The following RPN1 variants were observed in gnomAD, a reference collection of about 807,000 sequenced individuals.
The protein encoded by RPN1 is ribophorin I.
RPN1 carries 12 observed loss-of-function variants against 55.5 expected under a neutral mutation model. The ratio of observed to expected loss-of-function variants is 0.22; its 90% CI spans 0.14 to 0.35. The LOEUF (loss-of-function observed/expected upper bound fraction) is 0.35, where lower values mean the gene tolerates loss of function less well. RPN1 is among the 10% of genes least tolerant of loss of function. The pLI is 1.00. For missense variants in RPN1, 679 were observed against 761.3 expected (o/e 0.89, Z 1.27); for synonymous variants, 317 against 305.9 (o/e 1.04, Z -0.38).
intron 4 of RPN1, 69 bp from the exon 5 acceptor site, chr3:128,630,212 G>A: frequency 9.7e-7 from 1 of 1,032,118 alleles, no homozygotes; most frequent in Non-Finnish European, 1.4e-6. Flanking sequence ...CCTAAACACA[G>A]AAGACTTCCT....
At chr3:128,638,912 G>A (rs1172201190) in intron 2 of RPN1, among the ~76,000 whole-genome samples, 1 of 152,028 alleles carries the variant, frequency 6.6e-6, no homozygotes, top group Non-Finnish European at 1.5e-5. Context: ...GTTGCAGTGA[G>A]CCAAGATAGC....
At chr3:128,639,398 G>A (rs923904073) in intron 2 of RPN1, among the ~76,000 whole-genome samples, 1 of 150,680 alleles carries the variant, frequency 6.6e-6, no homozygotes, top group Admixed American at 6.6e-5. Flanking sequence ...AGCTTGCAGT[G>A]CGCCGAGATC....
At chr3:128,644,214 T>C (rs1195282830) in intron 2 of RPN1, among the ~76,000 whole-genome samples, 2 of 152,170 alleles carry the variant, frequency 1.3e-5, no homozygotes, top group African/African-American at 4.8e-5. Flanking sequence ...GGAGAACTGA[T>C]CTGATATAGA....
intron 3 of RPN1, among the ~76,000 whole-genome samples, chr3:128,637,456 G>A (rs1478001993): frequency 6.6e-6 from 1 of 151,998 alleles, no homozygotes; most frequent in African/African-American, 2.4e-5. Flanking sequence ...ATTCAAGGAA[G>A]GCCCTCAACC....
Position 128,624,525 on chromosome 3 carries a change from G to A in RPN1, c.1395+1009C>T, listed in dbSNP as rs957372167. On this transcript the variant is annotated intron_variant, in intron 8 of 9. Transcript: ENST00000296255. Reference sequence around the variant, plus strand: ...CGAAAAGAAAAAAATCTGCATATAAGTGGACCCACACAGTTCGGCTGGATC... The same window carrying A: ...CGAAAAGAAAAAAATCTGCATATAAATGGACCCACACAGTTCGGCTGGATC... Among the ~76,000 whole-genome samples the A allele has an allele frequency of 3.3e-4, 50 of 150,602 alleles. 1 individual carries two copies.
At chr3:128,623,990 TACACACACACACACGCACAC>T (rs1192259281) in intron 8 of RPN1, among the ~76,000 whole-genome samples, 1 of 150,714 alleles carries the variant, frequency 6.6e-6, no homozygotes, top group Non-Finnish European at 1.5e-5. Context: ...CAGAAATAAT[TACACACACACACACGCACAC>T]ACACACACAC....
chr3:128,648,332 T>C (rs923079605), intron 1 of RPN1, among the ~76,000 whole-genome samples: 4 of 151,932 alleles, frequency 2.6e-5, no homozygotes, highest in African/African-American at 9.7e-5. Flanking sequence ...GAGGCAGAGG[T>C]TGCAGTGAGC....
chr3:128,622,373 T>G lies in RPN1; in HGVS notation c.1432A>C (p.Ile478Leu). ...AAEARMKVAC[I>L]TEQVLTLVNK... is the part of the protein sequence containing the mutation. Reference sequence around the variant, plus strand: ...ACCAGGGTCAAGACCTGCTCTGTGATGCAGGCTACCTTCATCCTGGCTTCT... The same window carrying G: ...ACCAGGGTCAAGACCTGCTCTGTGAGGCAGGCTACCTTCATCCTGGCTTCT... The change falls in exon 9 of 10, where the codon ATC (isoleucine) becomes CTC (leucine). Residue 478 changes from isoleucine (I) to leucine (L), a missense_variant. Physicochemically the swap from Ile to Leu is conservative, Grantham distance 5. Around this residue, in one of 3 missense-constraint regions of RPN1, gnomAD observed 306 missense variants for 360.0 expected, o/e 0.85. Coordinates refer to ENST00000296255, the MANE Select transcript of RPN1 (RefSeq NM_002950.4). 1 of 1,614,218 alleles carries G rather than the reference T, an allele frequency of 6.2e-7. No individual in the cohort carries two copies. The highest frequency in any genetic ancestry group is 8.5e-7 in the Non-Finnish European group (1 of 1,180,032).
In RPN1 at chr3:128,626,826, T is replaced by G. The variant is rs757237896; in HGVS notation, c.1043A>C (p.Gln348Pro). ...CACAAACCTCATCTTCAGTGCATACTGGTCACCTGAAGGATCAAGCAAGCA... is the reference window on the plus strand; with the variant it reads ...CACAAACCTCATCTTCAGTGCATACGGGTCACCTGAAGGATCAAGCAAGCA... ...SYEYLYNLGD[Q>P]YALKMRFVDH... Residue 348 changes from glutamine to proline, a missense_variant, in exon 6 of 10, where the codon CAG (glutamine) becomes CCG (proline). Physicochemically the swap from Gln to Pro is moderately conservative, Grantham distance 76 (BLOSUM62 -1). This residue lies in a region of RPN1 where 306 missense variants were observed against 360.0 expected (regional missense o/e 0.85). Coordinates refer to ENST00000296255, the MANE Select transcript of RPN1 (RefSeq NM_002950.4). The G allele has an allele frequency of 1.8e-5, 29 of 1,613,714 alleles. No individual in the cohort carries two copies. The highest frequency in any genetic ancestry group is 2.4e-5 in the Non-Finnish European group (28 of 1,179,800).
intron 1 of RPN1, 137 bp downstream of exon 1, chr3:128,650,403 G>A (rs1428207670): frequency 1.2e-6 from 1 of 854,792 alleles, no homozygotes; most frequent in Non-Finnish European, 1.7e-6. Context: ...CAATCCCACG[G>A]ACCCCCTGTG....
chr3:128,648,794 A>G (rs1424522544), intron 1 of RPN1, among the ~76,000 whole-genome samples: 1 of 152,184 alleles, frequency 6.6e-6, no homozygotes, highest in Non-Finnish European at 1.5e-5. Flanking sequence ...CTTATACCCA[A>G]TACAATCCTA....
Position 128,620,519 on chromosome 3 carries a change from C to T in RPN1, c.1716G>A (p.Leu572=). ...VLKSAVEAER[L]VAGKLKKDTY... is the part of the protein sequence containing the mutation. ...TGTCTTTCTTGAGCTTGCCAGCCAC[C>T]AGGCGCTCAGCCTCCACCGCCGACT... The change falls in exon 10 of 10, where the codon CTG becomes CTA. Residue 572 remains leucine (L), a synonymous_variant. Coordinates refer to ENST00000296255, the MANE Select transcript of RPN1 (RefSeq NM_002950.4). 6.2e-7 allele frequency: 1 copy of T among 1,614,164 alleles called. No homozygotes were observed. The highest frequency in any genetic ancestry group is 8.5e-7 in the Non-Finnish European group (1 of 1,180,012).
At chr3:128,627,844 G>A (rs1378135476) in intron 5 of RPN1, among the ~76,000 whole-genome samples, 1 of 151,474 alleles carries the variant, frequency 6.6e-6, no homozygotes, top group Non-Finnish European at 1.5e-5. Flanking sequence ...GTAAGAAAAT[G>A]AAAACATGCC....
Position 128,644,998 on chromosome 3 carries a change from G to C in RPN1, c.262-15C>G, listed in dbSNP as rs778034977. 6.7e-7 allele frequency: 1 copy of C among 1,495,498 alleles called. No individual in the cohort carries two copies. The highest frequency in any genetic ancestry group is 1.4e-5 in the African/African-American group (1 of 72,730). The allele number at this position is 1,495,498 out of a possible 1,614,324, so 92.6% of individuals were successfully genotyped here. A position where few individuals can be genotyped will look rare whatever the true frequency, so the allele number is the denominator to read the frequency against. On this transcript the variant is annotated splice_polypyrimidine_tract_variant and intron_variant, in intron 1 of 9. Transcript: ENST00000296255. ...TCTCCCTTTACCTACAACAGAAAAA[G>C]ATAGTTTATTATTCATGTCTTTTGG...
rs911434234 is a variant in RPN1 at position 128,633,599 on chromosome 3, T to G, written c.634-1442A>C. On this transcript the variant is annotated intron_variant, in intron 3 of 9. Coordinates refer to ENST00000296255, the MANE Select transcript of RPN1 (RefSeq NM_002950.4). ...TGAGAATACAAAAATTCATAACTTT[T>G]GTATAATATGCAGAGATGTATATTA... 1.1e-4 allele frequency among the ~76,000 whole-genome samples: 17 copies of G among 152,252 alleles called. No individual in the cohort carries two copies. The East Asian group carries it at 1.7e-3, about 16-fold the overall frequency.
At chr3:128,627,130 C>G in intron 5 of RPN1, 2 of 366,466 alleles carry the variant, frequency 5.5e-6, no homozygotes, top group South Asian at 5.4e-5. Context: ...AGCAGAACCC[C>G]AAAACACACA....
chr3:128,647,111 G>A lies in RPN1; in HGVS notation c.262-2128C>T, dbSNP rs938555595. 4.6e-5 allele frequency among the ~76,000 whole-genome samples: 7 copies of A among 152,064 alleles called. No individual in the cohort carries two copies. The South Asian group carries it at 1.5e-3, about 32-fold the overall frequency. ...CTCCAGCAGGCTGCAGGGGTTTTCTGAGAAAGAGTAGTTATCTCCAATCAT... is the reference window on the plus strand; with the variant it reads ...CTCCAGCAGGCTGCAGGGGTTTTCTAAGAAAGAGTAGTTATCTCCAATCAT... On this transcript the variant is annotated intron_variant, in intron 1 of 9. Coordinates refer to ENST00000296255, the MANE Select transcript of RPN1 (RefSeq NM_002950.4).
chr3:128,635,009 T>TA (rs2069666550), intron 3 of RPN1, among the ~76,000 whole-genome samples: 1 of 152,160 alleles, frequency 6.6e-6, no homozygotes, highest in Admixed American at 6.6e-5. Flanking sequence ...ATCATGCAGT[T>TA]AGAGAAAGCA....
chr3:128,623,061 A>G (rs2069572323), intron 8 of RPN1, among the ~76,000 whole-genome samples: 1 of 152,176 alleles, frequency 6.6e-6, no homozygotes, highest in Admixed American at 6.5e-5. Flanking sequence ...AAATTAAGGG[A>G]CATTCTATAA....
Sources: allele counts gnomAD v4.1 joint callset (sites outside exome capture counted in the v4.1 genomes callset), GRCh38; gene constraint gnomAD v4.1.1; regional missense constraint gnomAD v4.1.1; transcripts MANE v1.5; gene names NCBI Gene and HGNC (gene_info 2026-07-23, HGNC 2026-07-21).